The following GPR158 variants were observed in gnomAD, a reference collection of about 807,000 sequenced individuals.
GPR158 encodes metabotropic glycine receptor.
A neutral mutation model predicts 78.2 loss-of-function variants in GPR158; 30 were observed. The ratio of observed to expected loss-of-function variants is 0.38; its 90% CI spans 0.29 to 0.52. GPR158 has a LOEUF of 0.52. Ranked by LOEUF, GPR158 falls within the 20% of genes least tolerant of loss-of-function variation. GPR158 has a pLI of 0.83. For synonymous variants in GPR158, 581 were observed against 591.1 expected (o/e 0.98, Z 0.25); for missense variants, 1,463 against 1,523.5 (o/e 0.96, Z 0.66).
chr10:25,445,498 A>G (rs1381824382), intron 4 of GPR158, among the ~76,000 whole-genome samples: 1 of 152,226 alleles, frequency 6.6e-6, no homozygotes, highest in Non-Finnish European at 1.5e-5. Flanking sequence ...AGATTTACAA[A>G]GAAAATGACA....
At chr10:25,566,551 AAAGG>A (rs1256590843) in intron 6 of GPR158, among the ~76,000 whole-genome samples, 3 of 152,128 alleles carry the variant, frequency 2.0e-5, no homozygotes, top group Non-Finnish European at 2.9e-5. Context: ...ATTAGAGAAA[AAAGG>A]AAGGTGAGAA....
chr10:25,381,013 T>C (rs1054040141), intron 2 of GPR158, among the ~76,000 whole-genome samples: 1 of 152,092 alleles, frequency 6.6e-6, no homozygotes, highest in Admixed American at 6.5e-5. Flanking sequence ...GAGATCAAAT[T>C]TATAGTAAGA....
At chr10:25,327,958 C>G (rs1272481850) in intron 2 of GPR158, among the ~76,000 whole-genome samples, 1 of 152,108 alleles carries the variant, frequency 6.6e-6, no homozygotes, top group African/African-American at 2.4e-5. Flanking sequence ...ATTCCTCTAG[C>G]TTAACTTAAT....
chr10:25,465,008 C>A (rs1422380011), intron 4 of GPR158, among the ~76,000 whole-genome samples: 2 of 152,120 alleles, frequency 1.3e-5, no homozygotes, highest in African/African-American at 2.4e-5. Flanking sequence ...TCTCTATTCC[C>A]AAATTCTTAA....
At chr10:25,299,127 A>G (rs1854556149) in intron 2 of GPR158, among the ~76,000 whole-genome samples, 3 of 152,124 alleles carry the variant, frequency 2.0e-5, no homozygotes, top group Admixed American at 2.0e-4. Context: ...CATTTTGTTT[A>G]TTTTTGTATA....
At chr10:25,414,615 G>A (rs996274648) in intron 4 of GPR158, among the ~76,000 whole-genome samples, 3 of 152,112 alleles carry the variant, frequency 2.0e-5, no homozygotes, top group African/African-American at 7.2e-5. Context: ...GAACATTCCA[G>A]TGTAGAGATT....
At chr10:25,587,813 A>G (rs528549147) in intron 7 of GPR158, among the ~76,000 whole-genome samples, 48 of 152,324 alleles carry the variant, frequency 3.2e-4, no homozygotes, top group Middle Eastern at 6.8e-3. Context: ...GGCCCTACCT[A>G]CCATTTAAAT....
chr10:25,216,970 A>G lies in GPR158; in HGVS notation c.903-4082A>G, dbSNP rs533250502. On this transcript the variant is annotated intron_variant, in intron 1 of 10. Coordinates refer to ENST00000376351, the MANE Select transcript of GPR158 (RefSeq NM_020752.3). ...CCAAGGAACGTGGATTTTATTATTT[A>G]GGAAAGTGAGTAATATTGATTTCAA... Among the ~76,000 whole-genome samples, 3 of 152,300 alleles carry G rather than the reference A, an allele frequency of 2.0e-5. No homozygotes were observed. The South Asian group carries it at 6.2e-4, about 32-fold the overall frequency.
chr10:25,189,884 A>G (rs974233626), intron 1 of GPR158, among the ~76,000 whole-genome samples: 9 of 142,646 alleles, frequency 6.3e-5, no homozygotes, highest in African/African-American at 2.5e-4. Flanking sequence ...ATGTGTATGT[A>G]CCTGGAAGAA....
rs1289670841 is a variant in GPR158 at position 25,599,737 on chromosome 10, T to A, written c.*463T>A. 1 of 154,748 alleles carries A rather than the reference T, an allele frequency of 6.5e-6. No homozygotes were observed. Among genetic ancestry groups the A allele is most frequent in the Non-Finnish European group, 1.4e-5 (1 of 69,490 alleles). The allele number at this position is 154,748 out of a possible 1,614,324, so 9.6% of individuals were successfully genotyped here. A position where few individuals can be genotyped will look rare whatever the true frequency, so the allele number is the denominator to read the frequency against. ...TTGATAGCACTGCTAACTTAATGCA[T>A]CCCAAAAATATCTTTTATATTAATG... On this transcript the variant is annotated 3_prime_UTR_variant, in exon 11 of 11. Coordinates refer to ENST00000376351, the MANE Select transcript of GPR158 (RefSeq NM_020752.3).
chr10:25,247,500 A>G (rs1338035182), intron 2 of GPR158, among the ~76,000 whole-genome samples: 1 of 106,308 alleles, frequency 9.4e-6, no homozygotes, highest in Non-Finnish European at 1.8e-5. Context: ...AGAGTGTGAT[A>G]TTCCCCTTCC....
chr10:25,338,460 T>TATATTA (rs1564426179), intron 2 of GPR158, among the ~76,000 whole-genome samples: 11 of 126,180 alleles, frequency 8.7e-5, no homozygotes, highest in Admixed American at 1.5e-4. Context: ...AATATATATA[T>TATATTA]TACGTATATT....
intron 1 of GPR158, among the ~76,000 whole-genome samples, chr10:25,212,510 A>C (rs924747662): frequency 3.9e-5 from 6 of 152,102 alleles, no homozygotes; most frequent in South Asian, 2.1e-4. Context: ...ACAGATCCAA[A>C]CCATATCAGT....
At chr10:25,245,630 A>C (rs1853680211) in intron 2 of GPR158, among the ~76,000 whole-genome samples, 1 of 152,192 alleles carries the variant, frequency 6.6e-6, no homozygotes, top group Admixed American at 6.5e-5. Flanking sequence ...AAAAATCATA[A>C]AAGTTTAAAA....
chr10:25,438,385 G>T (rs117347668), intron 4 of GPR158, among the ~76,000 whole-genome samples: 3,005 of 152,322 alleles, frequency 0.02, 47 homozygotes, highest in Non-Finnish European at 0.032. Flanking sequence ...CGGTAGTTAT[G>T]TTAACTGAAT....
chr10:25,471,225 T>A (rs1445785575), intron 5 of GPR158, among the ~76,000 whole-genome samples: 1 of 151,900 alleles, frequency 6.6e-6, no homozygotes, highest in African/African-American at 2.4e-5. Context: ...TTTTTGTCCT[T>A]GTGATAGTTT....
intron 4 of GPR158, among the ~76,000 whole-genome samples, chr10:25,423,865 A>G (rs1190014429): frequency 1.3e-5 from 2 of 152,200 alleles, no homozygotes; most frequent in Non-Finnish European, 1.5e-5. Flanking sequence ...GTGTCTTTAT[A>G]GTAACATGAT....
intron 1 of GPR158, among the ~76,000 whole-genome samples, chr10:25,203,135 T>G (rs1852959584): frequency 6.6e-6 from 1 of 152,242 alleles, no homozygotes; most frequent in African/African-American, 2.4e-5. Context: ...TTAGGTTCTT[T>G]GTAGATTCTG....
chr10:25,195,197 T>TTTTC (rs752712983), intron 1 of GPR158, among the ~76,000 whole-genome samples: 5 of 151,424 alleles, frequency 3.3e-5, no homozygotes, highest in African/African-American at 1.2e-4. Flanking sequence ...AAGATCAACT[T>TTTTC]TTTCTTTCTT....
Sources: allele counts gnomAD v4.1 joint callset (sites outside exome capture counted in the v4.1 genomes callset), GRCh38; gene constraint gnomAD v4.1.1; transcripts MANE v1.5; gene names NCBI Gene and HGNC (gene_info 2026-07-23, HGNC 2026-07-21).